The following MYH1 variants were observed in gnomAD, a reference collection of about 807,000 sequenced individuals.
The protein encoded by MYH1 is myosin heavy chain 1.
A neutral mutation model predicts 225.6 loss-of-function variants in MYH1; 214 were observed. The observed-to-expected ratio is 0.95, with a 90% CI of 0.85 to 1.06. The LOEUF (loss-of-function observed/expected upper bound fraction) is 1.06. MYH1 is among the 50% of genes least tolerant of loss of function. The pLI is 0.00. For synonymous variants in MYH1, 774 were observed against 842.3 expected, an observed-to-expected ratio of 0.92 and a Z score of 1.40; for missense variants, 2,098 against 2,344.2, an observed-to-expected ratio of 0.89 and a Z score of 2.17.
Position 10,508,376 on chromosome 17 carries a change from C to T in MYH1, c.1884G>A (p.Thr628=), listed in dbSNP as rs769654863. The T allele has an allele frequency of 7.5e-6, 12 of 1,603,150 alleles. No homozygotes were observed. Among genetic ancestry groups the T allele is most frequent in the South Asian group, 2.2e-5 (2 of 89,442 alleles). Residue 628 remains threonine (T), a synonymous_variant, in exon 16 of 40, where the codon ACG becomes ACA. Coordinates refer to ENST00000226207, the MANE Select transcript of MYH1 (RefSeq NM_005963.4). ...KTLALLFVGA[T]GAEAEAGGGK... ...ATTGATAATTACCTGCTTCCGCTCCCGTTGCCCCAACAAAGAGGAGAGCCA... is the reference window on the plus strand; with the variant it reads ...ATTGATAATTACCTGCTTCCGCTCCTGTTGCCCCAACAAAGAGGAGAGCCA...
rs534110923 is a variant in MYH1, at chr17:10,505,006, G to A, written c.2495C>T (p.Pro832Leu). The A allele has an allele frequency of 1.9e-6, 3 of 1,613,888 alleles. No homozygotes were observed. Among genetic ancestry groups the A allele is most frequent in the Non-Finnish European group, 2.5e-6 (3 of 1,180,032 alleles). ...VRAFMNVKHW[P>L]WMKLYFKIKP... The stretch of plus-strand genomic sequence containing the variant: ...GATCTTGAAATACAGCTTCATCCAG[G>A]GCCAGTGCTTCACATTCATGAAGGC... Residue 832 changes from proline (P) to leucine (L), a missense_variant, in exon 22 of 40, where the codon CCC becomes CTC. Physicochemically the swap from Pro to Leu is moderately conservative, Grantham distance 98 (BLOSUM62 -3). Coordinates refer to ENST00000226207, the MANE Select transcript of MYH1 (RefSeq NM_005963.4).
At position 10,503,334 on chromosome 17, in the gene MYH1, A is replaced by C. The variant is rs1597438468; in HGVS notation, c.2692-86T>G. 4.6e-6 allele frequency: 7 copies of C among 1,535,328 alleles called. No homozygotes were observed. In the African/African-American group the frequency reaches 5.5e-5, roughly 12 times the overall value. On this transcript the variant is annotated intron_variant, in intron 22 of 39. Transcript: ENST00000226207. ...ATTAATATTTTGAAACCAAACAAGTAAATTGTTTTAAGCCTTCAGGTTAAT... is the reference window on the plus strand; with the variant it reads ...ATTAATATTTTGAAACCAAACAAGTCAATTGTTTTAAGCCTTCAGGTTAAT...
chr17:10,497,868 C>G lies in MYH1; in HGVS notation c.4231G>C (p.Val1411Leu), dbSNP rs1363259529. The G allele has an allele frequency of 1.2e-6, 2 of 1,613,030 alleles. No individual in the cohort carries two copies. Among genetic ancestry groups the G allele is most frequent in the Admixed American group, 3.4e-5 (2 of 59,640 alleles). ...LQDAEEHVEA[V>L]NAKCASLEKT... ...TCAAGGGAAGCACATTTGGCATTCA[C>G]AGCTTCTACATGTTCCTCAGCATCC... Residue 1411 changes from valine to leucine, a missense_variant, in exon 31 of 40, where the codon GTG becomes CTG. Physicochemically the swap from Val to Leu is conservative, Grantham distance 32. Coordinates refer to ENST00000226207, the MANE Select transcript of MYH1 (RefSeq NM_005963.4).
At chr17:10,492,880 G>T (rs2072950199) in intron 39 of MYH1, among the ~76,000 whole-genome samples, 1 of 147,736 alleles carries the variant, frequency 6.8e-6, no homozygotes. Flanking sequence ...GTTTTTTTCA[G>T]AATCCTGAGA....
At chr17:10,515,728 A>G (rs2073218600) in intron 5 of MYH1, among the ~76,000 whole-genome samples, 198 bp downstream of exon 5, 2 of 152,230 alleles carry the variant, frequency 1.3e-5, no homozygotes, top group African/African-American at 4.8e-5. Context: ...ATGGCCTAGT[A>G]AAGTCAGTGA....
In MYH1 at chr17:10,516,193, A is replaced by G. The variant is rs1260334245; in HGVS notation, c.348+6T>C. 4 of 1,614,082 alleles carry G rather than the reference A, an allele frequency of 2.5e-6. No homozygotes were observed. The highest frequency in any genetic ancestry group is 2.2e-5 in the South Asian group (2 of 91,062). On this transcript the variant is annotated splice_donor_region_variant and intron_variant, in intron 4 of 39. Coordinates refer to ENST00000226207, the MANE Select transcript of MYH1 (RefSeq NM_005963.4). ...CATGAGTAGAAGACCGTGAGAAAGAACTCACGTAGATCATCCAGGCTGCGT... is the reference window on the plus strand; with the variant it reads ...CATGAGTAGAAGACCGTGAGAAAGAGCTCACGTAGATCATCCAGGCTGCGT...
intron 22 of MYH1, among the ~76,000 whole-genome samples, chr17:10,503,919 C>T (rs1238174148): frequency 1.3e-5 from 2 of 152,148 alleles, no homozygotes; most frequent in African/African-American, 2.4e-5. Flanking sequence ...CTTGAAGGCA[C>T]GATGAACCAC....
rs2142281803 is a variant in MYH1, at chr17:10,516,004, A to G, written c.427T>C (p.Tyr143His). Residue 143 changes from tyrosine (Y) to histidine (H), a missense_variant, in exon 5 of 40, where the codon TAC becomes CAC. Tyr to His is a moderately conservative substitution (Grantham distance 83). Transcript: ENST00000226207. ...GCCTCCTGGCGCTTTTTGCCTCGGT[A>G]GGCTGTCACCACCTCTGCATTATAC... ...PVYNAEVVTA[Y>H]RGKKRQEAPP... The G allele has an allele frequency of 6.2e-7, 1 of 1,614,182 alleles. No homozygotes were observed. Among genetic ancestry groups the G allele is most frequent in the East Asian group, 2.2e-5 (1 of 44,884 alleles).
chr17:10,503,966 A>G (rs1343482462), intron 22 of MYH1, among the ~76,000 whole-genome samples: 2 of 152,232 alleles, frequency 1.3e-5, no homozygotes. Flanking sequence ...TACAAAGTAC[A>G]GGAAAGTCAC....
In MYH1 at chr17:10,515,912, G is replaced by C. The variant is rs758187398; in HGVS notation, c.505+14C>G. On this transcript the variant is annotated intron_variant, in intron 5 of 39. Coordinates refer to ENST00000226207, the MANE Select transcript of MYH1 (RefSeq NM_005963.4). The stretch of plus-strand genomic sequence containing the variant: ...GGTAAAATAATTCATATGAAAACCA[G>C]CTGAGCCACTCACCAGTCAGCATGA... 2.7e-5 allele frequency: 43 copies of C among 1,613,950 alleles called. No individual in the cohort carries two copies. Among genetic ancestry groups the C allele is most frequent in the Non-Finnish European group, 3.1e-5 (37 of 1,180,006 alleles).
chr17:10,512,524 A>G lies in MYH1; in HGVS notation c.1031T>C (p.Phe344Ser). Residue 344 changes from phenylalanine (F) to serine (S), a missense_variant, in exon 12 of 40, where the codon TTT becomes TCT. Coordinates refer to ENST00000226207, the MANE Select transcript of MYH1 (RefSeq NM_005963.4). Reference sequence around the variant, plus strand: ...GATGGACACTCTTTCATCTGAAGTAAAGCCCAGAATTTCAATGGCACTCTA... The same window carrying G: ...GATGGACACTCTTTCATCTGAAGTAGAGCCCAGAATTTCAATGGCACTCTA... ...ATDSAIEILG[F>S]TSDERVSIYK... is the part of the protein sequence containing the mutation. 6.2e-7 allele frequency: 1 copy of G among 1,614,110 alleles called. No homozygotes were observed. Among genetic ancestry groups the G allele is most frequent in the Non-Finnish European group, 8.5e-7 (1 of 1,179,982 alleles).
chr17:10,505,806 T>C lies in MYH1; in HGVS notation c.2174+6A>G, dbSNP rs1208470564. 5 of 1,613,794 alleles carry C rather than the reference T, an allele frequency of 3.1e-6. No individual in the cohort carries two copies. Among genetic ancestry groups the C allele is most frequent in the Middle Eastern group, 1.6e-4 (1 of 6,076 alleles). On this transcript the variant is annotated splice_donor_region_variant and intron_variant, in intron 19 of 39. Transcript: ENST00000226207. ...CTTAAAATAATTTACAGCAAAAATG[T>C]CTGACCTCTGTTTGAAGTCTGCATA...
chr17:10,514,764 T>A, intron 6 of MYH1, 104 bp downstream of exon 6: 2 of 983,012 alleles, frequency 2.0e-6, no homozygotes, highest in Non-Finnish European at 3.2e-6. Context: ...TCCAGGTTGA[T>A]CATTCAGTGC....
At chr17:10,505,106 G>C (rs776728928) in intron 21 of MYH1, 41 bp from the exon 22 acceptor site, 3 of 1,612,834 alleles carry the variant, frequency 1.9e-6, no homozygotes, top group Admixed American at 3.3e-5. Context: ...ATTATAATAA[G>C]AAGCAGAATT....
chr17:10,504,256 T>C lies in MYH1; in HGVS notation c.2691+554A>G, dbSNP rs1199976246. 2.6e-5 allele frequency among the ~76,000 whole-genome samples: 4 copies of C among 152,354 alleles called. No individual in the cohort carries two copies. In the East Asian group the frequency reaches 7.7e-4, roughly 29 times the overall value. On this transcript the variant is annotated intron_variant, in intron 22 of 39. Coordinates refer to ENST00000226207, the MANE Select transcript of MYH1 (RefSeq NM_005963.4). ...AGAATAAGAATATCAACCCTATCTC[T>C]CATACTTTGCATAAAAATAGACATT...
chr17:10,499,303 C>T (rs972865497), intron 28 of MYH1, among the ~76,000 whole-genome samples: 1 of 152,066 alleles, frequency 6.6e-6, no homozygotes, highest in African/African-American at 2.4e-5. Context: ...TGCTTGTGAA[C>T]AGCACAAAAG....
chr17:10,506,278 G>T (rs1438269192), intron 17 of MYH1, among the ~76,000 whole-genome samples, 179 bp from the exon 18 acceptor site: 1 of 152,142 alleles, frequency 6.6e-6, no homozygotes, highest in Non-Finnish European at 1.5e-5. Context: ...CCTGTTTTCT[G>T]TTGGTGTGCA....
At chr17:10,500,829 A>G (rs1263923508) in intron 27 of MYH1, 77 bp from the exon 28 acceptor site, 1 of 1,587,440 alleles carries the variant, frequency 6.3e-7, no homozygotes, top group Admixed American at 1.7e-5. Context: ...TAAACATTCC[A>G]TATGAGCTGC....
chr17:10,496,284 G>A lies in MYH1; in HGVS notation c.4922C>T (p.Ala1641Val). ...IQLNHANRMA[A>V]EALRNYRNTQ... Reference sequence around the variant, plus strand: ...GTTCCTATAGTTCCTCAGGGCCTCAGCAGCCATGCGGTTGGCATGGTTCAG... The same window carrying A: ...GTTCCTATAGTTCCTCAGGGCCTCAACAGCCATGCGGTTGGCATGGTTCAG... Residue 1641 changes from alanine (A) to valine (V), a missense_variant, in exon 34 of 40, where the codon GCT becomes GTT. By Grantham distance (64) the Ala-to-Val change is moderately conservative. Transcript: ENST00000226207. The A allele has an allele frequency of 1.2e-6, 2 of 1,614,100 alleles. No individual in the cohort carries two copies. Among genetic ancestry groups the A allele is most frequent in the Non-Finnish European group, 1.7e-6 (2 of 1,180,020 alleles).
Sources: allele counts gnomAD v4.1 joint callset (sites outside exome capture counted in the v4.1 genomes callset), GRCh38; gene constraint gnomAD v4.1.1; transcripts MANE v1.5; gene names NCBI Gene and HGNC (gene_info 2026-07-23, HGNC 2026-07-21).